Variants in CNTNAP5 observed in about 807,000 individuals in gnomAD.
The protein encoded by CNTNAP5 is contactin-associated protein-like 5.
Under a neutral mutation model 150.2 loss-of-function variants are expected in CNTNAP5, and 72 were observed. The ratio of observed to expected loss-of-function variants is 0.48; its 90% CI spans 0.40 to 0.58. CNTNAP5 has a LOEUF of 0.58. CNTNAP5 is among the 20% of genes least tolerant of loss of function. The probability of loss-of-function intolerance (pLI) is 0.00; values close to 1 mark genes in which losing one functional copy is unlikely to be tolerated. For synonymous variants in CNTNAP5, 672 were observed against 619.8 expected (o/e 1.08, Z -1.25); for missense variants, 1,636 against 1,626.2 (o/e 1.01, Z -0.10).
intron 12 of CNTNAP5, among the ~76,000 whole-genome samples, chr2:124,625,310 G>A (rs1349836): frequency 0.99 from 149,993 of 152,272 alleles, 73,925 homozygotes; most frequent in East Asian, 1. Flanking sequence ...GTATCATATG[G>A]AAATTATATA....
chr2:124,122,530 T>A (rs940052579), intron 1 of CNTNAP5, among the ~76,000 whole-genome samples: 1 of 152,166 alleles, frequency 6.6e-6, no homozygotes. Context: ...AACCCTTTTA[T>A]GAGGTTCACT....
At chr2:124,813,583 C>A (rs146637778) in intron 19 of CNTNAP5, among the ~76,000 whole-genome samples, 31 of 148,734 alleles carry the variant, frequency 2.1e-4, no homozygotes, top group African/African-American at 7.5e-4. Context: ...GTCCCCTAGG[C>A]CTCTAAAACT....
intron 17 of CNTNAP5, among the ~76,000 whole-genome samples, chr2:124,773,773 G>A (rs962880224): frequency 6.6e-6 from 1 of 152,140 alleles, no homozygotes; most frequent in African/African-American, 2.4e-5. Context: ...TGGTGTGTGT[G>A]TGTGTGTGTG....
At chr2:124,138,137 C>T (rs1319776288) in intron 1 of CNTNAP5, among the ~76,000 whole-genome samples, 1 of 152,140 alleles carries the variant, frequency 6.6e-6, no homozygotes, top group Non-Finnish European at 1.5e-5. Context: ...GGCCGACCTC[C>T]TCTCCCTCCT....
intron 3 of CNTNAP5, among the ~76,000 whole-genome samples, chr2:124,277,828 A>G (rs1687920201): frequency 6.6e-6 from 1 of 152,126 alleles, no homozygotes; most frequent in Admixed American, 6.6e-5. Context: ...CTATGATTTT[A>G]ATCTAGATTC....
chr2:124,566,948 A>G (rs17392197), intron 11 of CNTNAP5, among the ~76,000 whole-genome samples: 8,169 of 152,342 alleles, frequency 0.054, 331 homozygotes, highest in Non-Finnish European at 0.079. Flanking sequence ...TGGAAATGAC[A>G]GAATCCTTGC....
intron 7 of CNTNAP5, among the ~76,000 whole-genome samples, chr2:124,478,108 T>A (rs1693684979): frequency 6.6e-6 from 1 of 150,942 alleles, no homozygotes; most frequent in African/African-American, 2.4e-5. Context: ...AGTTACTGAA[T>A]AAGCAGAGCA....
chr2:124,637,662 A>C (rs927027632), intron 12 of CNTNAP5, among the ~76,000 whole-genome samples: 4 of 152,092 alleles, frequency 2.6e-5, no homozygotes, highest in African/African-American at 9.7e-5. Flanking sequence ...AAGTTATTAC[A>C]CTGGAATCTG....
intron 1 of CNTNAP5, among the ~76,000 whole-genome samples, chr2:124,122,462 A>T (rs1214451736): frequency 6.6e-6 from 1 of 152,190 alleles, no homozygotes; most frequent in African/African-American, 2.4e-5. Flanking sequence ...TCAATCTAAG[A>T]TAAATCCAGG....
chr2:124,440,808 T>G (rs986120043), intron 5 of CNTNAP5, among the ~76,000 whole-genome samples: 13 of 152,156 alleles, frequency 8.5e-5, no homozygotes, highest in Non-Finnish European at 1.8e-4. Context: ...CTGTATAGTT[T>G]TATTGTTTTT....
chr2:124,271,648 GT>G (rs5834055), intron 3 of CNTNAP5, among the ~76,000 whole-genome samples: 63 of 147,182 alleles, frequency 4.3e-4, no homozygotes, highest in African/African-American at 1.1e-3. Context: ...CCTTCATTTA[GT>G]TTTTTTTTAA....
intron 1 of CNTNAP5, among the ~76,000 whole-genome samples, chr2:124,037,021 A>T (rs905410538): frequency 2.6e-5 from 4 of 152,070 alleles, no homozygotes; most frequent in African/African-American, 9.7e-5. Flanking sequence ...GGGTGAGAAA[A>T]CCCTCATGTG....
intron 19 of CNTNAP5, among the ~76,000 whole-genome samples, chr2:124,851,896 G>A (rs1683166581): frequency 6.6e-6 from 1 of 152,130 alleles, no homozygotes; most frequent in Admixed American, 6.5e-5. Context: ...GGGTAAGCAG[G>A]CATTGTTCGG....
chr2:124,062,372 C>A (rs1682034658), intron 1 of CNTNAP5, among the ~76,000 whole-genome samples: 1 of 152,128 alleles, frequency 6.6e-6, no homozygotes, highest in African/African-American at 2.4e-5. Flanking sequence ...CTGCTTAACT[C>A]AATCCTGTTA....
chr2:124,656,652 A>G (rs1481597594), intron 13 of CNTNAP5, among the ~76,000 whole-genome samples: 1 of 152,210 alleles, frequency 6.6e-6, no homozygotes, highest in Non-Finnish European at 1.5e-5. Flanking sequence ...CAGATGGTAT[A>G]TATCTGACCA....
At chr2:124,137,581 A>C (rs17838510) in intron 1 of CNTNAP5, among the ~76,000 whole-genome samples, 2,008 of 152,322 alleles carry the variant, frequency 0.013, 44 homozygotes, top group African/African-American at 0.046. Flanking sequence ...ACACAAAAAA[A>C]ATTCTACTTT....
At chr2:124,341,368 AGCCAAAGT>A (rs1689611003) in intron 3 of CNTNAP5, among the ~76,000 whole-genome samples, 1 of 152,130 alleles carries the variant, frequency 6.6e-6, no homozygotes, top group Non-Finnish European at 1.5e-5. Context: ...GCAATAGGCA[AGCCAAAGT>A]ACCATACTTT....
intron 7 of CNTNAP5, among the ~76,000 whole-genome samples, chr2:124,475,356 G>T (rs1437916904): frequency 6.6e-6 from 1 of 152,006 alleles, no homozygotes; most frequent in South Asian, 2.1e-4. Flanking sequence ...CAAATTAAAT[G>T]ATTTTCTAAT....
chr2:124,832,097 A>C (rs1682728342), intron 19 of CNTNAP5, among the ~76,000 whole-genome samples: 1 of 152,098 alleles, frequency 6.6e-6, no homozygotes, highest in Non-Finnish European at 1.5e-5. Flanking sequence ...TGACATTCTA[A>C]AACCTGCCAC....
Sources: gnomAD v4.1 joint callset for allele counts (sites outside exome capture counted in the v4.1 genomes callset) on GRCh38, gnomAD v4.1.1 for gene constraint, MANE v1.5 for transcripts, NCBI Gene and HGNC (gene_info 2026-07-23, HGNC 2026-07-21) for gene names.